Variants in EXOC5 observed in about 807,000 individuals in gnomAD.
EXOC5 encodes the protein SEC10-like 1.
In EXOC5, 17 loss-of-function variants were observed where a neutral mutation model predicts 90.8. The observed-to-expected ratio is 0.19, with a 90% CI of 0.13 to 0.28. The LOEUF (loss-of-function observed/expected upper bound fraction) is 0.28. Among genes scored for constraint, EXOC5 ranks in the 10% least tolerant of loss-of-function variants. EXOC5 has a pLI of 1.00. For missense variants in EXOC5, 569 were observed against 830.6 expected (o/e 0.69, Z 3.87); for synonymous variants, 260 against 270.0 (o/e 0.96, Z 0.36).
At chr14:57,237,301 C>T (rs1163387752) in intron 6 of EXOC5, 37 bp downstream of exon 6, 1 of 1,104,528 alleles carries the variant, frequency 9.1e-7, no homozygotes, top group South Asian at 1.4e-5. Context: ...AGTTTTTTTA[C>T]TTATTAAAAA....
chr14:57,231,883 A>G, intron 10 of EXOC5, 168 bp from the exon 11 acceptor site: 1 of 536,104 alleles, frequency 1.9e-6, no homozygotes, highest in Non-Finnish European at 3.3e-6. Flanking sequence ...ACAGGGTTAC[A>G]TATAAATACA....
chr14:57,268,723 C>A lies in EXOC5; in HGVS notation c.-75G>T. On this transcript the variant is annotated 5_prime_UTR_variant, in exon 1 of 18. Coordinates refer to ENST00000621441, the MANE Select transcript of EXOC5 (RefSeq NM_006544.4). ...CATGCTGCGCCTCAGAGGCGCGGCG[C>A]ACAGGTCTCCGCTCGGCTCGCCAGC... The A allele has an allele frequency of 6.5e-7, 1 of 1,528,354 alleles. No individual in the cohort carries two copies. Among genetic ancestry groups the A allele is most frequent in the Non-Finnish European group, 8.7e-7 (1 of 1,143,914 alleles). 94.7% of individuals were successfully genotyped at this position (1,528,354 alleles called of 1,614,324 possible).
Position 57,255,911 on chromosome 14 carries a change from T to C in EXOC5, c.28-8199A>G, listed in dbSNP as rs1029552639. 2.6e-5 allele frequency among the ~76,000 whole-genome samples: 4 copies of C among 151,224 alleles called. No homozygotes were observed. The South Asian group carries it at 8.3e-4, about 32-fold the overall frequency. ...TTCTGAATTAAAAGGCTTTATATGA[T>C]GCTGTGACTCCCATAGGAAAAACAC... On this transcript the variant is annotated intron_variant, in intron 1 of 17. Coordinates refer to ENST00000621441, the MANE Select transcript of EXOC5 (RefSeq NM_006544.4).
In EXOC5 at chr14:57,205,744, A is replaced by G. The variant is rs1405896554; in HGVS notation, c.*2865T>C. On this transcript the variant is annotated 3_prime_UTR_variant, in exon 18 of 18. Transcript: ENST00000621441. ...AAAGCAAAATATTTAGAAGTGAAAG[A>G]GGGGGGAAAAAAGAATGATCTACAA... The G allele has an allele frequency of 1.0e-5, 4 of 388,584 alleles. No homozygotes were observed. The highest frequency in any genetic ancestry group is 7.4e-5 in the East Asian group (1 of 13,456). 24.1% of individuals were successfully genotyped at this position (388,584 alleles called of 1,614,324 possible).
At chr14:57,258,284 T>A (rs186954982) in intron 1 of EXOC5, among the ~76,000 whole-genome samples, 78 of 152,180 alleles carry the variant, frequency 5.1e-4, no homozygotes, top group Non-Finnish European at 7.6e-4. Flanking sequence ...ATAGCAAAGA[T>A]TTGGAACCAA....
At position 57,204,156 on chromosome 14, in the gene EXOC5, G is replaced by T. The variant is rs1882577466; in HGVS notation, c.*4453C>A. On this transcript the variant is annotated 3_prime_UTR_variant, in exon 18 of 18. Transcript: ENST00000621441. Reference sequence around the variant, plus strand: ...GATAATCACAAAACAAAGGTTAATGGTACCTATCAAATAATAATGATAAAA... The same window carrying T: ...GATAATCACAAAACAAAGGTTAATGTTACCTATCAAATAATAATGATAAAA... 1 of 152,060 alleles carries T rather than the reference G, an allele frequency of 6.6e-6. No homozygotes were observed. The highest frequency in any genetic ancestry group is 2.4e-5 in the African/African-American group (1 of 41,424). 9.4% of individuals were successfully genotyped at this position (152,060 alleles called of 1,614,324 possible).
In EXOC5 at chr14:57,222,334, T is replaced by A. The variant is rs773690069; in HGVS notation, c.1379A>T (p.Asp460Val). 1.9e-6 allele frequency: 3 copies of A among 1,574,578 alleles called. No homozygotes were observed. Among genetic ancestry groups the A allele is most frequent in the Non-Finnish European group, 2.6e-6 (3 of 1,151,844 alleles). ...LVEFLCIEHI[D>V]YALETGLAGI... ...AGCAAGTCCTGTTTCCAAAGCATAA[T>A]CAATATGCTCAATACATAAAAATTC... is the stretch of plus-strand genomic sequence containing the variant. Residue 460 changes from aspartate to valine, a missense_variant, in exon 13 of 18, where the codon GAT becomes GTT. Physicochemically the swap from Asp to Val is radical, Grantham distance 152. This residue lies in a region of EXOC5 where 56 missense variants were observed against 51.1 expected (regional missense o/e 1.10). Transcript: ENST00000621441.
chr14:57,265,897 T>C (rs369511877), intron 1 of EXOC5, among the ~76,000 whole-genome samples: 176 of 152,308 alleles, frequency 1.2e-3, no homozygotes, highest in African/African-American at 4.1e-3. Flanking sequence ...ACTAAGAAGG[T>C]ATTCTGAGAA....
intron 15 of EXOC5, among the ~76,000 whole-genome samples, chr14:57,215,618 C>G (rs1882950486): frequency 6.6e-6 from 1 of 151,822 alleles, no homozygotes; most frequent in South Asian, 2.1e-4. Flanking sequence ...AAATTCAACA[C>G]TCTTTCATGA....
intron 1 of EXOC5, among the ~76,000 whole-genome samples, chr14:57,254,647 G>A (rs1016424496): frequency 6.6e-5 from 10 of 152,166 alleles, no homozygotes; most frequent in African/African-American, 2.4e-4. Context: ...ATAGGTTGAA[G>A]ACTTAACTCC....
intron 4 of EXOC5, chr14:57,243,327 T>C (rs1024575436): frequency 3.9e-5 from 6 of 152,202 alleles, no homozygotes; most frequent in Admixed American, 6.5e-5. Context: ...AATTATAAAT[T>C]CTATAACCCT....
intron 12 of EXOC5, among the ~76,000 whole-genome samples, chr14:57,227,327 T>C (rs1424246085): frequency 6.6e-6 from 1 of 152,216 alleles, no homozygotes; most frequent in Non-Finnish European, 1.5e-5. Context: ...CTAAGTATTT[T>C]TCAGATTTAT....
At chr14:57,216,165 T>C (rs1041078736) in intron 15 of EXOC5, among the ~76,000 whole-genome samples, 1 of 151,710 alleles carries the variant, frequency 6.6e-6, no homozygotes, top group Non-Finnish European at 1.5e-5. Flanking sequence ...AACAAGTAAA[T>C]GGAAACATAT....
At position 57,208,669 on chromosome 14, in the gene EXOC5, G is replaced by A. The variant is rs1882733017; in HGVS notation, c.2067C>T (p.His689=). 1 of 1,611,928 alleles carries A rather than the reference G, an allele frequency of 6.2e-7. No homozygotes were observed. Among genetic ancestry groups the A allele is most frequent in the Non-Finnish European group, 8.5e-7 (1 of 1,179,228 alleles). ...AATCAGCACGAAGTTGTACGAAGGA[G>A]TGAAGTATATTCTTGTCCAGATTAG... ...QLANLDKNIL[H]SFVQLRADYR... Residue 689 remains histidine (H), a synonymous_variant, in exon 18 of 18, where the codon CAC becomes CAT. Coordinates refer to ENST00000621441, the MANE Select transcript of EXOC5 (RefSeq NM_006544.4).
intron 15 of EXOC5, among the ~76,000 whole-genome samples, chr14:57,215,903 G>A (rs1023752240): frequency 1.3e-5 from 2 of 152,084 alleles, no homozygotes; most frequent in Non-Finnish European, 2.9e-5. Context: ...CTTTGCAGAT[G>A]ATATGATCTT....
intron 1 of EXOC5, among the ~76,000 whole-genome samples, chr14:57,262,130 A>AT (rs1342864588): frequency 6.6e-6 from 1 of 152,154 alleles, no homozygotes; most frequent in East Asian, 1.9e-4. Context: ...ATAGATCTCT[A>AT]ATCTAGTTCT....
chr14:57,213,733 C>T (rs1223645278), intron 15 of EXOC5, among the ~76,000 whole-genome samples: 2 of 151,996 alleles, frequency 1.3e-5, no homozygotes, highest in African/African-American at 4.8e-5. Flanking sequence ...CTTTGGGAGG[C>T]TGAGGTGGGT....
In EXOC5 at chr14:57,204,603, CTA is replaced by C. The variant is rs1441356268; in HGVS notation, c.*4004_*4005del. On this transcript the variant is annotated 3_prime_UTR_variant, in exon 18 of 18. Coordinates refer to ENST00000621441, the MANE Select transcript of EXOC5 (RefSeq NM_006544.4). ...TCCAAGGTAGAGTTGTCATTTACTT[CTA>C]TGTCACAAAATATAGTACAAAATAT... 1 of 152,358 alleles carries C rather than the reference CTA, an allele frequency of 6.6e-6. No individual in the cohort carries two copies. The highest frequency in any genetic ancestry group is 2.4e-5 in the African/African-American group (1 of 41,416). The allele number at this position is 152,358 out of a possible 1,614,324, so 9.4% of individuals were successfully genotyped here. A position where few individuals can be genotyped will look rare whatever the true frequency, so the allele number is the denominator to read the frequency against.
intron 12 of EXOC5, among the ~76,000 whole-genome samples, chr14:57,228,288 AGT>A (rs968342860): frequency 2.6e-5 from 4 of 152,212 alleles, no homozygotes; most frequent in African/African-American, 9.6e-5. Flanking sequence ...TGTGGAAGAC[AGT>A]GTGATGATTC....
Sources: allele counts gnomAD v4.1 joint callset (sites outside exome capture counted in the v4.1 genomes callset), GRCh38; gene constraint gnomAD v4.1.1; regional missense constraint gnomAD v4.1.1; transcripts MANE v1.5; gene names NCBI Gene and HGNC (gene_info 2026-07-23, HGNC 2026-07-21).